The following SLC1A2 variants were observed in gnomAD, a reference collection of about 807,000 sequenced individuals.
SLC1A2 encodes excitatory amino acid transporter 2.
In SLC1A2, 15 loss-of-function variants were observed where a neutral mutation model predicts 48.8. The ratio of observed to expected loss-of-function variants is 0.31; its 90% CI spans 0.21 to 0.47. The LOEUF (loss-of-function observed/expected upper bound fraction) is 0.47. Among genes scored for constraint, SLC1A2 ranks in the 20% least tolerant of loss-of-function variants. SLC1A2 has a pLI of 0.99. For missense variants in SLC1A2, 502 were observed against 730.5 expected (o/e 0.69, Z 3.61); for synonymous variants, 279 against 272.6 (o/e 1.02, Z -0.23).
upstream of SLC1A2, among the ~76,000 whole-genome samples, chr11:35,420,303 C>T (rs918946077): frequency 6.6e-6 from 1 of 151,908 alleles, no homozygotes; most frequent in Non-Finnish European, 1.5e-5. Flanking sequence ...GACAGATGGG[C>T]TTGTGCAAGG....
At chr11:35,313,652 G>A (rs937052933) in intron 3 of SLC1A2, among the ~76,000 whole-genome samples, 6 of 152,130 alleles carry the variant, frequency 3.9e-5, no homozygotes, top group Admixed American at 3.3e-4. Context: ...CTAGCCGACG[G>A]GAGCTAGGTT....
chr11:35,306,062 C>A lies in SLC1A2; in HGVS notation c.730+12G>T, dbSNP rs1565228716. Reference sequence around the variant, plus strand: ...CCAGGGAAGCAGAATCCCGGACCACCAGCTGGCCTACCTAAGACGTTCATC... The same window carrying A: ...CCAGGGAAGCAGAATCCCGGACCACAAGCTGGCCTACCTAAGACGTTCATC... On this transcript the variant is annotated intron_variant, in intron 5 of 10. Coordinates refer to ENST00000278379, the MANE Select transcript of SLC1A2 (RefSeq NM_004171.4). 4 of 1,612,064 alleles carry A rather than the reference C, an allele frequency of 2.5e-6. No homozygotes were observed. The highest frequency in any genetic ancestry group is 3.4e-6 in the Non-Finnish European group (4 of 1,178,644).
chr11:35,381,013 G>A (rs1854404586), intron 1 of SLC1A2, among the ~76,000 whole-genome samples: 1 of 152,252 alleles, frequency 6.6e-6, no homozygotes, highest in African/African-American at 2.4e-5. Context: ...AACTAAGTTG[G>A]AGTGAAGTAT....
At chr11:35,372,141 T>A (rs1185548675) in intron 1 of SLC1A2, among the ~76,000 whole-genome samples, 1 of 152,158 alleles carries the variant, frequency 6.6e-6, no homozygotes, top group Non-Finnish European at 1.5e-5. Context: ...AGAGAAGGGA[T>A]GGAGAGGGCA....
In SLC1A2 at chr11:35,419,539, G is replaced by C. The variant is rs1027695282; in HGVS notation, c.-573C>G. The C allele has an allele frequency of 6.4e-6, 1 of 157,154 alleles. No homozygotes were observed. Among genetic ancestry groups the C allele is most frequent in the African/African-American group, 2.4e-5 (1 of 41,470 alleles). The allele number at this position is 157,154 out of a possible 1,614,324, so 9.7% of individuals were successfully genotyped here. A position where few individuals can be genotyped will look rare whatever the true frequency, so the allele number is the denominator to read the frequency against. The stretch of plus-strand genomic sequence containing the variant: ...TTGCAGGCGATCCCTCTCTATTTTC[G>C]TCGAGAGCTGACATCACCCGCGCCG... On this transcript the variant is annotated 5_prime_UTR_variant, in exon 1 of 11. Coordinates refer to ENST00000278379, the MANE Select transcript of SLC1A2 (RefSeq NM_004171.4). This position sits in a 1 kb window ranked among gnomAD's most constrained non-coding sequence, Gnocchi z 5.4.
chr11:35,347,729 T>C (rs964681491), intron 1 of SLC1A2, among the ~76,000 whole-genome samples: 3 of 152,142 alleles, frequency 2.0e-5, no homozygotes, highest in African/African-American at 7.2e-5. Context: ...AAAACAGAGA[T>C]CATTGTGCTC....
At chr11:35,415,559 G>C (rs1855579668) in intron 1 of SLC1A2, among the ~76,000 whole-genome samples, 1 of 152,226 alleles carries the variant, frequency 6.6e-6, no homozygotes, top group African/African-American at 2.4e-5. Flanking sequence ...AGTCCACGCT[G>C]TAGGGTCTTC....
intron 1 of SLC1A2, among the ~76,000 whole-genome samples, chr11:35,405,864 C>T (rs1855276368): frequency 6.6e-6 from 1 of 152,160 alleles, no homozygotes; most frequent in African/African-American, 2.4e-5. Flanking sequence ...CCAAGATGAC[C>T]ATGACCCAAC....
At chr11:35,419,992 G>C (rs561735421), upstream of SLC1A2, 52 of 466,376 alleles carry the variant, frequency 1.1e-4, no homozygotes, top group East Asian at 2.8e-3. This position sits in a 1 kb window ranked among gnomAD's most constrained non-coding sequence, Gnocchi z 5.4. Flanking sequence ...GCTGAAACAC[G>C]CGGGTGGTGC....
intron 7 of SLC1A2, among the ~76,000 whole-genome samples, chr11:35,289,827 C>G (rs1296471031): frequency 6.6e-6 from 1 of 152,076 alleles, no homozygotes; most frequent in Non-Finnish European, 1.5e-5. Flanking sequence ...ATTTTTAAGA[C>G]AAATGTCAAG....
At position 35,414,404 on chromosome 11, in the gene SLC1A2, G is replaced by A. The variant is rs1459952672; in HGVS notation, c.17+4546C>T. 2.0e-5 allele frequency among the ~76,000 whole-genome samples: 3 copies of A among 152,178 alleles called. No homozygotes were observed. The East Asian group carries it at 5.8e-4, about 29-fold the overall frequency. ...GATGCTAGTCCTTTTCTATTCTACC[G>A]ACAAATATGTGGCCCATCTGCCTCC... On this transcript the variant is annotated intron_variant, in intron 1 of 10. Coordinates refer to ENST00000278379, the MANE Select transcript of SLC1A2 (RefSeq NM_004171.4).
intron 6 of SLC1A2, chr11:35,299,646 C>T (rs1232937665): frequency 5.9e-5 from 9 of 152,190 alleles, no homozygotes; most frequent in Admixed American, 3.9e-4. Flanking sequence ...TCAGCTATCC[C>T]ACTCGTTCCT....
Position 35,254,647 on chromosome 11 carries a change from G to A in SLC1A2, c.*6247C>T. The stretch of plus-strand genomic sequence containing the variant: ...CCATCTCCAGTGAGGATGATGACAA[G>A]GCTAACAGTCAGTTGTCAGGTTTCA... On this transcript the variant is annotated 3_prime_UTR_variant, in exon 11 of 11. Coordinates refer to ENST00000278379, the MANE Select transcript of SLC1A2 (RefSeq NM_004171.4). The A allele has an allele frequency of 2.7e-6, 1 of 377,186 alleles. No individual in the cohort carries two copies. The highest frequency in any genetic ancestry group is 2.0e-5 in the South Asian group (1 of 50,756). The allele number at this position is 377,186 out of a possible 1,614,324, so 23.4% of individuals were successfully genotyped here. A position where few individuals can be genotyped will look rare whatever the true frequency, so the allele number is the denominator to read the frequency against.
At chr11:35,318,808 A>T (rs1410894150) in intron 1 of SLC1A2, among the ~76,000 whole-genome samples, 1 of 152,188 alleles carries the variant, frequency 6.6e-6, no homozygotes, top group Non-Finnish European at 1.5e-5. Context: ...ACTTCATGAC[A>T]AGGATGACAT....
intron 1 of SLC1A2, among the ~76,000 whole-genome samples, chr11:35,348,364 T>C (rs1040958710): frequency 6.6e-6 from 1 of 152,198 alleles, no homozygotes; most frequent in Non-Finnish European, 1.5e-5. Flanking sequence ...ACCTCAATTA[T>C]TTATTGATGA....
intron 1 of SLC1A2, among the ~76,000 whole-genome samples, chr11:35,412,181 C>T (rs749296935): frequency 6.6e-6 from 1 of 151,702 alleles, no homozygotes; most frequent in Non-Finnish European, 1.5e-5. Flanking sequence ...AACTCAGTAA[C>T]AGCATAAAAT....
intron 1 of SLC1A2, among the ~76,000 whole-genome samples, chr11:35,386,726 T>TAA (rs1854594878): frequency 6.6e-6 from 1 of 152,196 alleles, no homozygotes; most frequent in South Asian, 2.1e-4. Flanking sequence ...CAGGAACTTC[T>TAA]TCATATAGTT....
At chr11:35,339,831 A>C (rs1852774517) in intron 1 of SLC1A2, among the ~76,000 whole-genome samples, 1 of 152,166 alleles carries the variant, frequency 6.6e-6, no homozygotes, top group Admixed American at 6.5e-5. Context: ...AGAACTGAGA[A>C]AATGGGTATC....
chr11:35,320,763 A>G (rs1852032032), intron 1 of SLC1A2, among the ~76,000 whole-genome samples: 1 of 152,232 alleles, frequency 6.6e-6, no homozygotes, highest in African/African-American at 2.4e-5. Flanking sequence ...TTATTCCACA[A>G]ATTTCTAGTG....
Sources: gnomAD v4.1 joint callset for allele counts (sites outside exome capture counted in the v4.1 genomes callset) on GRCh38, gnomAD v4.1.1 for gene constraint, Gnocchi (gnomAD v3.1) non-coding constraint, MANE v1.5 for transcripts, NCBI Gene and HGNC (gene_info 2026-07-23, HGNC 2026-07-21) for gene names.